MRM2: variants seen among roughly 807,000 people sequenced by gnomAD.
MRM2 encodes mitochondrial rRNA methyltransferase 2.
A neutral mutation model predicts 10.9 loss-of-function variants in MRM2; 15 were observed. That is an observed-to-expected ratio of 1.37 (90% CI 0.92 to 2.11). MRM2 has a LOEUF of 2.11. MRM2 is among the 30% of genes most tolerant of loss of function. MRM2 has a pLI of 0.00. For synonymous variants in MRM2, 139 were observed against 128.7 expected, an observed-to-expected ratio of 1.08 and a Z score of -0.54; for missense variants, 328 against 321.3, an observed-to-expected ratio of 1.02 and a Z score of -0.16.
Position 2,235,028 on chromosome 7 carries a change from C to G in MRM2, c.*94G>C. ...ACTTGTCCTGCTCCATCTCCAAAAT[C>G]AGCTCAAATCTCCCAGGAACTCTTC... On this transcript the variant is annotated 3_prime_UTR_variant, in exon 3 of 3. Transcript: ENST00000242257. 1 of 935,348 alleles carries G rather than the reference C, an allele frequency of 1.1e-6. No individual in the cohort carries two copies. The highest frequency in any genetic ancestry group is 1.6e-5 in the South Asian group (1 of 63,106). 57.9% of individuals were successfully genotyped at this position (935,348 alleles called of 1,614,324 possible). A position where few individuals can be genotyped will look rare whatever the true frequency, so the allele number is the denominator to read the frequency against.
intron 1 of MRM2, among the ~76,000 whole-genome samples, chr7:2,241,555 G>A (rs1482731990): frequency 1.3e-5 from 2 of 151,968 alleles, no homozygotes; most frequent in African/African-American, 2.4e-5. Context: ...TCCTGCCTCA[G>A]ACTTCCAAAG....
Position 2,235,522 on chromosome 7 carries a change from A to G in MRM2, c.341T>C (p.Leu114Pro). The G allele has an allele frequency of 6.2e-7, 1 of 1,613,528 alleles. No homozygotes were observed. Among genetic ancestry groups the G allele is most frequent in the Non-Finnish European group, 8.5e-7 (1 of 1,179,878 alleles). ...PVGFVLGVDL[L>P]HIFPLEGATF... is the part of the protein sequence containing the mutation. Reference sequence around the variant, plus strand: ...TGCTCCTTCCAGGGGGAATATGTGAAGAAGATCTACCCCAAGCACGAAGCC... The same window carrying G: ...TGCTCCTTCCAGGGGGAATATGTGAGGAAGATCTACCCCAAGCACGAAGCC... The change falls in exon 3 of 3, where the codon CTT becomes CCT. Residue 114 changes from leucine to proline, a missense_variant. Transcript: ENST00000242257.
rs1223519276 is a variant in MRM2, at chr7:2,234,983, A to G, written c.*139T>C. The G allele has an allele frequency of 3.1e-6, 2 of 647,856 alleles. No individual in the cohort carries two copies. The highest frequency in any genetic ancestry group is 5.9e-5 in the Admixed American group (2 of 34,156). The allele number at this position is 647,856 out of a possible 1,614,324, so 40.1% of individuals were successfully genotyped here. On this transcript the variant is annotated 3_prime_UTR_variant, in exon 3 of 3. Transcript: ENST00000242257. ...TTTTGGTTAAAAAGAGAGAGAGAGA[A>G]AGAGAGAGAGAGACTCCCCACTTGT...
intron 2 of MRM2, chr7:2,238,287 A>T (rs998421111): frequency 3.3e-5 from 5 of 152,278 alleles, no homozygotes; most frequent in African/African-American, 9.6e-5. Flanking sequence ...GCCAAAAGCC[A>T]AAAGCAACCT....
Position 2,239,506 on chromosome 7 carries a change from C to T in MRM2, c.210G>A (p.Leu70=), listed in dbSNP as rs1456671582. The change falls in exon 2 of 3, where the codon CTG becomes CTA. Residue 70 remains leucine, a synonymous_variant. Transcript: ENST00000242257. ...AGTCTAACACCCGAAGGCCGGGCCGCAGAATCTGGTGCCTCTCGTTCACCT... is the reference window on the plus strand; with the variant it reads ...AGTCTAACACCCGAAGGCCGGGCCGTAGAATCTGGTGCCTCTCGTTCACCT... ...LLEVNERHQI[L]RPGLRVLDCG... 6.2e-7 allele frequency: 1 copy of T among 1,614,030 alleles called. No individual in the cohort carries two copies. Among genetic ancestry groups the T allele is most frequent in the East Asian group, 2.2e-5 (1 of 44,874 alleles).
At chr7:2,241,388 C>T (rs1364866682) in intron 1 of MRM2, 1 of 152,564 alleles carries the variant, frequency 6.6e-6, no homozygotes, top group Non-Finnish European at 1.5e-5. Context: ...TCAAGTGAAC[C>T]TCCCACCTCA....
Position 2,235,429 on chromosome 7 carries a change from C to G in MRM2, c.434G>C (p.Gly145Ala), listed in dbSNP as rs761541660. 4 of 1,614,040 alleles carry G rather than the reference C, an allele frequency of 2.5e-6. No individual in the cohort carries two copies. The highest frequency in any genetic ancestry group is 2.2e-5 in the East Asian group (1 of 44,878). Residue 145 changes from glycine (G) to alanine (A), a missense_variant, in exon 3 of 3, where the codon GGC becomes GCC. Transcript: ENST00000242257. ...TSQRILEVLPGRRADVILSDM... is the reference protein window; with the variant it reads ...TSQRILEVLPARRADVILSDM... ...GCTCAGAATCACATCTGCTCTCCTG[C>G]CAGGAAGCACCTCGAGGATTCTCTG... is the stretch of plus-strand genomic sequence containing the variant.
intron 2 of MRM2, 109 bp from the exon 3 acceptor site, chr7:2,235,673 G>A: frequency 1.3e-6 from 1 of 749,412 alleles, no homozygotes; most frequent in Non-Finnish European, 2.1e-6. Context: ...CAAGACCAAG[G>A]CAAAGAGCTA....
At chr7:2,239,017 ATATATATATAT>A (rs1350687751) in intron 2 of MRM2, 5,237 of 39,816 alleles carry the variant, frequency 0.13, 547 homozygotes, top group African/African-American at 0.19. Context: ...ATATATATAT[ATATATATATAT>A]AATACATATA....
intron 1 of MRM2, 38 bp downstream of exon 1, chr7:2,242,124 C>G (rs1037208581): frequency 1.9e-6 from 3 of 1,582,962 alleles, no homozygotes; most frequent in African/African-American, 1.4e-5. Context: ...CCCAACCACT[C>G]CCGCTGTCTG....
In MRM2 at chr7:2,236,716, C is replaced by T. The variant is rs577582036; in HGVS notation, c.299-1152G>A. ...ACACGGTCCCTTTCTCTCCCCCTAC[C>T]GTTGGAACAGCCTTTCTGTTAAGCA... On this transcript the variant is annotated intron_variant, in intron 2 of 2. Transcript: ENST00000242257. Among the ~76,000 whole-genome samples the T allele has an allele frequency of 1.5e-3, 227 of 152,280 alleles. 1 individual carries two copies. Among genetic ancestry groups the T allele is most frequent in the African/African-American group, 5.1e-3 (212 of 41,546 alleles).
chr7:2,238,938 C>T (rs1307514417), intron 2 of MRM2: 1 of 176,998 alleles, frequency 5.6e-6, no homozygotes, highest in African/African-American at 2.6e-5. Context: ...GAGACTCCAT[C>T]TGGAGGGGGG....
At chr7:2,241,333 T>A (rs1422796974) in intron 1 of MRM2, 2 of 152,086 alleles carry the variant, frequency 1.3e-5, no homozygotes, top group Non-Finnish European at 2.9e-5. Flanking sequence ...AGGCTGGAGT[T>A]GCAGTGGCAC....
chr7:2,239,836 CTGA>C (rs1794489803), intron 1 of MRM2, 129 bp from the exon 2 acceptor site: 3 of 793,922 alleles, frequency 3.8e-6, no homozygotes, highest in African/African-American at 3.5e-5. Context: ...GGGAGGTGAA[CTGA>C]TAAGGCTACA....
In MRM2 at chr7:2,235,164, CAAG is replaced by C. The variant is rs1307820473; in HGVS notation, c.696_698del (p.Phe232del). 2 of 1,614,072 alleles carry C rather than the reference CAAG, an allele frequency of 1.2e-6. No individual in the cohort carries two copies. Among genetic ancestry groups the C allele is most frequent in the African/African-American group, 1.3e-5 (1 of 75,014 alleles). ...CCTTCCTTCCGTGGTACTGTGTGGC[CAAG>C]AAGTACACTTCTGATGACTCTTTCC... is the stretch of plus-strand genomic sequence containing the variant. On this transcript the variant is annotated inframe_deletion, in exon 3 of 3. Coordinates refer to ENST00000242257, the MANE Select transcript of MRM2 (RefSeq NM_013393.3).
chr7:2,235,855 CA>C (rs546905506), intron 2 of MRM2, among the ~76,000 whole-genome samples: 389 of 152,250 alleles, frequency 2.6e-3, no homozygotes, highest in Non-Finnish European at 3.6e-3. Flanking sequence ...CTTCTGATTC[CA>C]AATCTGGTAT....
chr7:2,236,185 G>A (rs1244684534), intron 2 of MRM2, among the ~76,000 whole-genome samples: 4 of 152,074 alleles, frequency 2.6e-5, no homozygotes, highest in African/African-American at 4.8e-5. Context: ...AGCCAAGATC[G>A]CACCACTGCA....
Position 2,239,658 on chromosome 7 carries a change from C to G in MRM2, c.58G>C (p.Val20Leu), listed in dbSNP as rs752227558. The G allele has an allele frequency of 1.9e-6, 3 of 1,614,076 alleles. No individual in the cohort carries two copies. The highest frequency in any genetic ancestry group is 3.3e-4 in the Middle Eastern group (2 of 6,062). ...GTCCGATTCTTGCAGCGACTCCCAA[C>G]AGTGTGGAACCCTTGACGCTGAAAG... ...VSFQRQGFHT[V>L]GSRCKNRTGA... The change falls in exon 2 of 3, where the codon GTT (valine) becomes CTT (leucine). Residue 20 changes from valine (V) to leucine (L), a missense_variant. By Grantham distance (32) the Val-to-Leu change is conservative (BLOSUM62 1). Transcript: ENST00000242257.
chr7:2,238,949 G>C (rs1258739299), intron 2 of MRM2: 1 of 185,852 alleles, frequency 5.4e-6, no homozygotes, highest in Admixed American at 6.8e-5. Context: ...TGGAGGGGGG[G>C]GAAGAACAAA....
Sources: allele counts gnomAD v4.1 joint callset (sites outside exome capture counted in the v4.1 genomes callset), GRCh38; gene constraint gnomAD v4.1.1; transcripts MANE v1.5; gene names NCBI Gene and HGNC (gene_info 2026-07-23, HGNC 2026-07-21).